The following TNFSF4 variants were observed in gnomAD, a reference collection of about 807,000 sequenced individuals.
The protein encoded by TNFSF4 is TNF superfamily member 4.
In TNFSF4, 4 loss-of-function variants were observed where a neutral mutation model predicts 7.3. The observed-to-expected ratio is 0.55, with a 90% CI of 0.27 to 1.25. TNFSF4 has a LOEUF of 1.25. TNFSF4 is among the 50% of genes most tolerant of loss of function. TNFSF4 has a pLI of 0.12. For synonymous variants in TNFSF4, 76 were observed against 83.7 expected (o/e 0.91, Z 0.50); for missense variants, 181 against 208.8 (o/e 0.87, Z 0.82).
intron 1 of TNFSF4, among the ~76,000 whole-genome samples, chr1:173,204,140 G>T (rs1650071961): frequency 6.6e-6 from 1 of 152,032 alleles, no homozygotes; most frequent in African/African-American, 2.4e-5. Flanking sequence ...CCCTTCTTAG[G>T]AGCCAGGAAA....
downstream of TNFSF4, among the ~76,000 whole-genome samples, chr1:173,179,973 G>A (rs995280766): frequency 6.6e-6 from 1 of 152,104 alleles, no homozygotes; most frequent in African/African-American, 2.4e-5. Context: ...CCAATTTTCA[G>A]ACCTTAACTT....
the TNFSF4 span, among the ~76,000 whole-genome samples, chr1:173,355,796 C>A: frequency 6.6e-6 from 1 of 152,350 alleles, no homozygotes; most frequent in Admixed American, 6.5e-5. Context: ...CACTGCCATG[C>A]AGTTATATTC....
At chr1:173,301,595 A>G in the TNFSF4 span, among the ~76,000 whole-genome samples, 14,046 of 151,880 alleles carry the variant, frequency 0.092, 751 homozygotes, top group Middle Eastern at 0.12. Context: ...TCACTCATTA[A>G]TTCATTCAGC....
At chr1:173,173,771 C>T in the TNFSF4 span, among the ~76,000 whole-genome samples, 279 of 152,304 alleles carry the variant, frequency 1.8e-3, 1 homozygote, top group African/African-American at 6.1e-3. Flanking sequence ...CACCATGTCC[C>T]GAGGTTGCAT....
the TNFSF4 span, among the ~76,000 whole-genome samples, chr1:173,378,946 C>T: frequency 6.6e-6 from 1 of 152,044 alleles, no homozygotes; most frequent in Non-Finnish European, 1.5e-5. Flanking sequence ...TGGCCCATCC[C>T]GAGTACATGT....
chr1:173,378,450 G>A, the TNFSF4 span, among the ~76,000 whole-genome samples: 1 of 152,150 alleles, frequency 6.6e-6, no homozygotes, highest in African/African-American at 2.4e-5. Flanking sequence ...GAAACACTCA[G>A]GCATCAACAG....
chr1:173,290,103 G>A, the TNFSF4 span, among the ~76,000 whole-genome samples: 2 of 151,978 alleles, frequency 1.3e-5, no homozygotes, highest in Non-Finnish European at 1.5e-5. Flanking sequence ...ACCTTAAAAC[G>A]AAAACATCAT....
chr1:173,348,866 G>GTA, the TNFSF4 span, among the ~76,000 whole-genome samples: 1 of 152,102 alleles, frequency 6.6e-6, no homozygotes, highest in Non-Finnish European at 1.5e-5. Flanking sequence ...AACCTGTGTT[G>GTA]TATTAAGCCA....
At chr1:173,345,261 C>T in the TNFSF4 span, among the ~76,000 whole-genome samples, 454 of 152,284 alleles carry the variant, frequency 3.0e-3, 1 homozygote, top group Non-Finnish European at 5.0e-3. Context: ...ACAGGACAGA[C>T]GAAGAAGTTT....
At chr1:173,401,235 A>G in the TNFSF4 span, among the ~76,000 whole-genome samples, 1 of 152,216 alleles carries the variant, frequency 6.6e-6, no homozygotes, top group Non-Finnish European at 1.5e-5. Flanking sequence ...CAGGATAGTA[A>G]TATCATGTGG....
the TNFSF4 span, among the ~76,000 whole-genome samples, chr1:173,384,025 G>T: frequency 6.6e-6 from 1 of 152,154 alleles, no homozygotes; most frequent in African/African-American, 2.4e-5. Context: ...TTTCTGGTAG[G>T]TGTGGGGATA....
the TNFSF4 span, among the ~76,000 whole-genome samples, chr1:173,175,671 A>T: frequency 6.6e-6 from 1 of 152,198 alleles, no homozygotes; most frequent in Admixed American, 6.5e-5. Flanking sequence ...GAAGAGCATG[A>T]CTTACTGTAA....
At chr1:173,262,996 A>G in the TNFSF4 span, among the ~76,000 whole-genome samples, 1 of 152,222 alleles carries the variant, frequency 6.6e-6, no homozygotes, top group Non-Finnish European at 1.5e-5. Flanking sequence ...CACCAACAAC[A>G]GACAAGCCAA....
chr1:173,274,376 G>A, the TNFSF4 span, among the ~76,000 whole-genome samples: 8 of 152,016 alleles, frequency 5.3e-5, no homozygotes, highest in African/African-American at 1.7e-4. Flanking sequence ...ATTCTTATAT[G>A]TTGCTGTACT....
chr1:173,300,955 G>A, the TNFSF4 span, among the ~76,000 whole-genome samples: 1 of 8,362 alleles, frequency 1.2e-4, no homozygotes, highest in Non-Finnish European at 1.5e-3. Flanking sequence ...TGTACTGTTT[G>A]AGAAACGTAA....
At chr1:173,224,703 G>T in the TNFSF4 span, among the ~76,000 whole-genome samples, 1 of 152,170 alleles carries the variant, frequency 6.6e-6, no homozygotes, top group Non-Finnish European at 1.5e-5. Context: ...GGTCTGTCTG[G>T]CTACACAGCC....
At chr1:173,422,780 GA>G in the TNFSF4 span, among the ~76,000 whole-genome samples, 1 of 152,156 alleles carries the variant, frequency 6.6e-6, no homozygotes, top group African/African-American at 2.4e-5. Flanking sequence ...AAAGTTACTG[GA>G]ATGACGGAAC....
intron 1 of TNFSF4, among the ~76,000 whole-genome samples, chr1:173,196,605 T>C (rs1226077722): frequency 6.6e-6 from 1 of 152,222 alleles, no homozygotes; most frequent in Non-Finnish European, 1.5e-5. Context: ...GCATGAACTG[T>C]GGTTTTATTG....
the TNFSF4 span, chr1:173,442,059 A>C: frequency 6.6e-6 from 1 of 152,132 alleles, no homozygotes. Context: ...CTGAGGAATA[A>C]GAAGCCAATG....
Sources: gnomAD v4.1 joint callset for allele counts (sites outside exome capture counted in the v4.1 genomes callset) on GRCh38, gnomAD v4.1.1 for gene constraint, MANE v1.5 for transcripts, NCBI Gene and HGNC (gene_info 2026-07-23, HGNC 2026-07-21) for gene names.